VWF: variants seen among roughly 807,000 people sequenced by gnomAD.
VWF encodes the protein Factor VIII related antigen.
VWF carries 176 observed loss-of-function variants against 308.6 expected under a neutral mutation model. The ratio of observed to expected loss-of-function variants is 0.57; its 90% CI spans 0.50 to 0.65. The LOEUF (loss-of-function observed/expected upper bound fraction) is 0.65, where lower values mean the gene tolerates loss of function less well. Among genes scored for constraint, VWF ranks in the 30% least tolerant of loss-of-function variants. VWF has a pLI of 0.00. For missense variants in VWF, 3,146 were observed against 3,648.2 expected (o/e 0.86, Z 3.55); for synonymous variants, 1,385 against 1,443.4 (o/e 0.96, Z 0.92).
chr12:6,080,562 A>G (rs983493006), intron 6 of VWF, among the ~76,000 whole-genome samples: 1 of 152,204 alleles, frequency 6.6e-6, no homozygotes, highest in Non-Finnish European at 1.5e-5. Flanking sequence ...AGGCCATGTC[A>G]GGTGAAGCCA....
chr12:5,953,176 G>A lies in VWF; in HGVS notation c.7986+320C>T, dbSNP rs571141129. Among the ~76,000 whole-genome samples the A allele has an allele frequency of 2.5e-3, 385 of 151,998 alleles. 1 individual carries two copies. The highest frequency in any genetic ancestry group is 0.017 in the Middle Eastern group (5 of 294). Reference sequence around the variant, plus strand: ...CAGGAGGCGGAGGTTGCAGTGAGCCGAGATCGTGACATTGCACTCCAGCCT... The same window carrying A: ...CAGGAGGCGGAGGTTGCAGTGAGCCAAGATCGTGACATTGCACTCCAGCCT... On this transcript the variant is annotated intron_variant, in intron 48 of 51. Transcript: ENST00000261405.
chr12:6,114,358 A>T (rs1565395063), intron 3 of VWF, among the ~76,000 whole-genome samples: 1 of 152,216 alleles, frequency 6.6e-6, no homozygotes, highest in Non-Finnish European at 1.5e-5. Flanking sequence ...CTCGTTCCAC[A>T]GGAGGCAGAG....
At chr12:6,061,438 T>C (rs539817687) in intron 13 of VWF, among the ~76,000 whole-genome samples, 1 of 150,116 alleles carries the variant, frequency 6.7e-6, no homozygotes, top group Non-Finnish European at 1.5e-5. Context: ...TCCTGCTTTA[T>C]GGTCTGTGGT....
intron 5 of VWF, among the ~76,000 whole-genome samples, chr12:6,110,000 A>G (rs965061396): frequency 8.5e-5 from 13 of 152,300 alleles, no homozygotes; most frequent in Admixed American, 4.6e-4. Flanking sequence ...GAACACACAC[A>G]TGCACACACA....
intron 15 of VWF, 129 bp downstream of exon 15, chr12:6,056,728 C>A (rs748592835): frequency 1.4e-5 from 11 of 811,980 alleles, no homozygotes; most frequent in African/African-American, 1.8e-5. Flanking sequence ...CCGTCCTCCC[C>A]ACCCGTGTTT....
intron 37 of VWF, 142 bp from the exon 38 acceptor site, chr12:5,992,160 C>T: frequency 2.6e-6 from 2 of 765,014 alleles, no homozygotes. Flanking sequence ...TCCTCCCCAC[C>T]TTCCATAGAA....
rs1317178715 is a variant in VWF, at chr12:5,955,503, T to C, written c.7888-1909A>G. The stretch of plus-strand genomic sequence containing the variant: ...TGTCCTTGCGATAGTTTACTGAGAA[T>C]GATGATTTCCAGTTTCATCCATGTC... On this transcript the variant is annotated intron_variant, in intron 47 of 51. Transcript: ENST00000261405. 3.3e-5 allele frequency among the ~76,000 whole-genome samples: 5 copies of C among 152,192 alleles called. No individual in the cohort carries two copies. In the East Asian group the frequency reaches 9.6e-4, roughly 29 times the overall value.
At chr12:5,964,622 AG>A (rs1319137407) in intron 47 of VWF, among the ~76,000 whole-genome samples, 1 of 152,132 alleles carries the variant, frequency 6.6e-6, no homozygotes, top group Non-Finnish European at 1.5e-5. Context: ...ACCTGTCCCA[AG>A]GTCAAGGTTA....
chr12:6,016,254 C>T lies in VWF; in HGVS notation c.5312-22G>A, dbSNP rs371817930. On this transcript the variant is annotated intron_variant, in intron 30 of 51. Coordinates refer to ENST00000261405, the MANE Select transcript of VWF (RefSeq NM_000552.5). ...TCCCCTGAGGATGGAGAACAGATCA[C>T]GCCAAGTCAGTACTGACTGCGGCTC... The T allele has an allele frequency of 3.5e-5, 56 of 1,614,088 alleles. No homozygotes were observed. The Middle Eastern group carries it at 9.9e-4, about 28-fold the overall frequency.
intron 47 of VWF, among the ~76,000 whole-genome samples, chr12:5,955,993 A>G (rs976152602): frequency 2.6e-5 from 4 of 152,232 alleles, no homozygotes; most frequent in Admixed American, 6.5e-5. Context: ...AACAGTATCA[A>G]TGGTTTAATA....
rs756308290 is a variant in VWF, at chr12:6,072,317, G to A, written c.1109+14C>T. 1.2e-5 allele frequency: 20 copies of A among 1,612,422 alleles called. No individual in the cohort carries two copies. The highest frequency in any genetic ancestry group is 7.7e-5 in the South Asian group (7 of 91,026). Reference sequence around the variant, plus strand: ...AGGCAGGTCTCCCAGAGCACGCTGCGCAGCCCCCATTACCAGGTGTTGCAG... The same window carrying A: ...AGGCAGGTCTCCCAGAGCACGCTGCACAGCCCCCATTACCAGGTGTTGCAG... On this transcript the variant is annotated intron_variant, in intron 9 of 51. Coordinates refer to ENST00000261405, the MANE Select transcript of VWF (RefSeq NM_000552.5).
At chr12:6,070,595 G>C (rs1944768591) in intron 10 of VWF, among the ~76,000 whole-genome samples, 1 of 152,220 alleles carries the variant, frequency 6.6e-6, no homozygotes. Flanking sequence ...GTTGTAACCG[G>C]AAAGTGTTTA....
chr12:6,019,825 C>T lies in VWF; in HGVS notation c.3675-82G>A. ...GAGCCCTACAGTGTACAATGACTTC[C>T]ATATTCCCACAGAATCTCCTCTGTT... On this transcript the variant is annotated intron_variant, in intron 27 of 51. Coordinates refer to ENST00000261405, the MANE Select transcript of VWF (RefSeq NM_000552.5). This position sits in a 1 kb window ranked among gnomAD's most constrained non-coding sequence, Gnocchi z 5.8. 2 of 1,421,226 alleles carry T rather than the reference C, an allele frequency of 1.4e-6. No individual in the cohort carries two copies. The highest frequency in any genetic ancestry group is 2.5e-5 in the South Asian group (2 of 81,158). 88.0% of individuals were successfully genotyped at this position (1,421,226 alleles called of 1,614,324 possible).
chr12:6,032,637 CA>C lies in VWF; in HGVS notation c.2686-1060del, dbSNP rs1308707389. On this transcript the variant is annotated intron_variant, in intron 20 of 51. Transcript: ENST00000261405. ...TGGGTGACAGAGCGAGACTCTGTCT[CA>C]AAAAAAAAAAGAAAAAATAAAAACA... is the stretch of plus-strand genomic sequence containing the variant. 4.3e-4 allele frequency among the ~76,000 whole-genome samples: 58 copies of C among 135,140 alleles called. 1 individual carries two copies. The highest frequency in any genetic ancestry group is 5.3e-4 in the Non-Finnish European group (33 of 62,300). 88.7% of individuals were successfully genotyped at this position (135,140 alleles called of 152,430 possible). A position where few individuals can be genotyped will look rare whatever the true frequency, so the allele number is the denominator to read the frequency against.
chr12:5,993,811 AAGCCC>A (rs781011135), intron 37 of VWF, 46 bp downstream of exon 37: 1 of 1,572,118 alleles, frequency 6.4e-7, no homozygotes. Flanking sequence ...GAGGCTGAGC[AAGCCC>A]AGTTAGCTGG....
intron 13 of VWF, 151 bp downstream of exon 13, chr12:6,062,803 A>G: frequency 1.5e-6 from 1 of 672,176 alleles, no homozygotes. Context: ...CAGCCTCATA[A>G]ACAAGAGAGG....
rs1387282484 is a variant in VWF, at chr12:6,103,422, G to GTA, written c.532+6950_532+6951dup. ...CACGTGTGTGTATACACACGTGTGT[G>GTA]TATACACACGTGTGTATATACATAC... On this transcript the variant is annotated intron_variant, in intron 5 of 51. Transcript: ENST00000261405. Among the ~76,000 whole-genome samples the GTA allele has an allele frequency of 7.9e-4, 90 of 114,074 alleles. 3 individuals carry two copies. The highest frequency in any genetic ancestry group is 4.3e-3 in the African/African-American group (74 of 17,106). The allele number at this position is 114,074 out of a possible 152,430, so 74.8% of individuals were successfully genotyped here. A position where few individuals can be genotyped will look rare whatever the true frequency, so the allele number is the denominator to read the frequency against.
At chr12:6,035,850 T>C (rs1382679155) in intron 19 of VWF, among the ~76,000 whole-genome samples, 1 of 152,176 alleles carries the variant, frequency 6.6e-6, no homozygotes. Flanking sequence ...ACCCAAAACT[T>C]TGAGCACCAA....
intron 5 of VWF, among the ~76,000 whole-genome samples, chr12:6,107,671 T>G (rs533562955): frequency 0.018 from 2,650 of 150,968 alleles, 34 homozygotes; most frequent in Non-Finnish European, 0.027. Context: ...TATATATATA[T>G]TTTTTGAGAC....
Sources: gnomAD v4.1 joint callset for allele counts (sites outside exome capture counted in the v4.1 genomes callset) on GRCh38, gnomAD v4.1.1 for gene constraint, Gnocchi (gnomAD v3.1) non-coding constraint, MANE v1.5 for transcripts, NCBI Gene and HGNC (gene_info 2026-07-23, HGNC 2026-07-21) for gene names.